LRFN5: variants seen among roughly 807,000 people sequenced by gnomAD.
LRFN5 encodes leucine-rich repeat and fibronectin type-III domain-containing protein 5.
LRFN5 carries 24 observed loss-of-function variants against 45.6 expected under a neutral mutation model. The ratio of observed to expected loss-of-function variants is 0.53; its 90% confidence interval spans 0.38 to 0.74. The LOEUF is 0.74. LRFN5 is among the 30% of genes least tolerant of loss of function. The pLI is 0.00. For missense variants in LRFN5, 776 were observed against 861.5 expected, an observed-to-expected ratio of 0.90 and a Z score of 1.24; for synonymous variants, 340 against 313.8, an observed-to-expected ratio of 1.08 and a Z score of -0.88.
At chr14:41,803,845 AG>A (rs891610169) in intron 2 of LRFN5, among the ~76,000 whole-genome samples, 25 of 152,018 alleles carry the variant, frequency 1.6e-4, no homozygotes, top group Non-Finnish European at 5.9e-5. Context: ...CCAGCTAAAC[AG>A]AAAGCCAGAG....
At chr14:41,876,312 G>A (rs1203131607) in intron 2 of LRFN5, among the ~76,000 whole-genome samples, 2 of 118,562 alleles carry the variant, frequency 1.7e-5, no homozygotes, top group Non-Finnish European at 3.3e-5. Flanking sequence ...ACGGAGTGTC[G>A]CTCTGTCGCC....
At chr14:41,816,656 C>G (rs111440614) in intron 2 of LRFN5, among the ~76,000 whole-genome samples, 5 of 151,904 alleles carry the variant, frequency 3.3e-5, no homozygotes, top group African/African-American at 1.2e-4. Flanking sequence ...TCTTATCTTT[C>G]CTCTTCTAGA....
At chr14:41,711,709 A>T (rs977255817) in intron 1 of LRFN5, among the ~76,000 whole-genome samples, 2 of 152,232 alleles carry the variant, frequency 1.3e-5, no homozygotes, top group African/African-American at 4.8e-5. Flanking sequence ...TCCGTTTCAC[A>T]GATAAACTGT....
intron 1 of LRFN5, among the ~76,000 whole-genome samples, chr14:41,665,343 GATTA>G (rs1223062611): frequency 6.6e-6 from 1 of 151,910 alleles, no homozygotes; most frequent in Non-Finnish European, 1.5e-5. Context: ...TTATATAAGG[GATTA>G]ACAAATGAGG....
In LRFN5 at chr14:41,887,641, A is replaced by G; in HGVS notation, c.1016A>G (p.Asn339Ser). 1 of 1,614,196 alleles carries G rather than the reference A, an allele frequency of 6.2e-7. No homozygotes were observed. Among genetic ancestry groups the G allele is most frequent in the Non-Finnish European group, 8.5e-7 (1 of 1,180,028 alleles). The change falls in exon 3 of 6, where the codon AAC becomes AGC. Residue 339 changes from asparagine to serine, a missense_variant. Coordinates refer to ENST00000298119, the MANE Select transcript of LRFN5 (RefSeq NM_152447.5). This position sits in a 1 kb window ranked among gnomAD's most constrained non-coding sequence, Gnocchi z 4.8. ...SNATRSLVYD[N>S]GTLDILITTV... ...GCAACAAGATCTCTGGTGTATGATA[A>G]CGGAACACTTGACATTCTTATCACA...
intron 1 of LRFN5, among the ~76,000 whole-genome samples, chr14:41,651,916 T>A (rs1880142073): frequency 6.6e-6 from 1 of 152,164 alleles, no homozygotes; most frequent in Non-Finnish European, 1.5e-5. Flanking sequence ...TTCTTCTCCC[T>A]TTGTCTTAAT....
At chr14:41,871,488 C>A (rs1048227315) in intron 2 of LRFN5, among the ~76,000 whole-genome samples, 2 of 151,950 alleles carry the variant, frequency 1.3e-5, no homozygotes, top group Non-Finnish European at 2.9e-5. Flanking sequence ...ATTTGGGAGT[C>A]TGAGTCAGGA....
intron 2 of LRFN5, among the ~76,000 whole-genome samples, chr14:41,846,517 T>C (rs1889074159): frequency 6.6e-6 from 1 of 152,160 alleles, no homozygotes; most frequent in African/African-American, 2.4e-5. Context: ...TCCATATACA[T>C]ACCATTCAAA....
At chr14:41,740,369 A>G (rs61992386) in intron 1 of LRFN5, among the ~76,000 whole-genome samples, 25,175 of 151,930 alleles carry the variant, frequency 0.17, 2,174 homozygotes, top group Admixed American at 0.19. Context: ...ATTCCACAAG[A>G]GAAAGGATGG....
intron 1 of LRFN5, among the ~76,000 whole-genome samples, chr14:41,739,493 A>T (rs916079087): frequency 1.5e-4 from 22 of 147,816 alleles, no homozygotes; most frequent in Non-Finnish European, 6.1e-5. Context: ...AGGATAAATT[A>T]AAAGAAAAAA....
intron 2 of LRFN5, among the ~76,000 whole-genome samples, chr14:41,809,305 T>C (rs1379489458): frequency 6.6e-6 from 1 of 152,102 alleles, no homozygotes; most frequent in East Asian, 1.9e-4. Flanking sequence ...CAATTTGTTT[T>C]AAAAAGCAGT....
chr14:41,679,736 G>A lies in LRFN5; in HGVS notation c.-197+71174G>A, dbSNP rs190280454. On this transcript the variant is annotated intron_variant, in intron 1 of 5. Coordinates refer to ENST00000298119, the MANE Select transcript of LRFN5 (RefSeq NM_152447.5). Reference sequence around the variant, plus strand: ...TTCTGTTTGAGAAAAAGGAAAGGACGAGTAAAGGGGAGTTTTTCTTACTGC... The same window carrying A: ...TTCTGTTTGAGAAAAAGGAAAGGACAAGTAAAGGGGAGTTTTTCTTACTGC... Among the ~76,000 whole-genome samples the A allele has an allele frequency of 3.3e-5, 5 of 152,040 alleles. No homozygotes were observed. The East Asian group carries it at 7.8e-4, about 24-fold the overall frequency.
intron 2 of LRFN5, among the ~76,000 whole-genome samples, chr14:41,855,896 T>G (rs933441609): frequency 1.3e-5 from 2 of 152,204 alleles, no homozygotes; most frequent in African/African-American, 2.4e-5. Context: ...TACGTTAGTA[T>G]ACATATATTA....
chr14:41,607,755 A>G lies in LRFN5; in HGVS notation c.-1004A>G, dbSNP rs540487285. The G allele has an allele frequency of 2.0e-5, 3 of 152,214 alleles. No individual in the cohort carries two copies. The highest frequency in any genetic ancestry group is 3.9e-4 in the East Asian group (2 of 5,152). 9.4% of individuals were successfully genotyped at this position (152,214 alleles called of 1,614,324 possible). On this transcript the variant is annotated 5_prime_UTR_variant, in exon 1 of 6. Transcript: ENST00000298119. Reference sequence around the variant, plus strand: ...TTACCCAGAAGCTTGGAAAGCGCCAATATTAACCTGCTTCCAGGTACATCA... The same window carrying G: ...TTACCCAGAAGCTTGGAAAGCGCCAGTATTAACCTGCTTCCAGGTACATCA...
intron 1 of LRFN5, among the ~76,000 whole-genome samples, chr14:41,649,691 C>A (rs561652550): frequency 6.6e-6 from 1 of 152,296 alleles, no homozygotes; most frequent in Non-Finnish European, 1.5e-5. Flanking sequence ...CACCTGATCA[C>A]CCTGGTCTGT....
chr14:41,828,424 C>T (rs1049124735), intron 2 of LRFN5, among the ~76,000 whole-genome samples: 7 of 151,946 alleles, frequency 4.6e-5, no homozygotes, highest in Non-Finnish European at 8.8e-5. Flanking sequence ...AACTTCTACC[C>T]TAAAGCAAAC....
intron 2 of LRFN5, among the ~76,000 whole-genome samples, chr14:41,838,044 T>TA (rs1888723657): frequency 6.6e-6 from 1 of 152,234 alleles, no homozygotes; most frequent in Non-Finnish European, 1.5e-5. Context: ...GTGTGGTTTT[T>TA]ACATCGTTAA....
At chr14:41,822,097 T>A (rs1056789430) in intron 2 of LRFN5, among the ~76,000 whole-genome samples, 7 of 151,990 alleles carry the variant, frequency 4.6e-5, no homozygotes, top group African/African-American at 1.7e-4. Flanking sequence ...TTTGTTTATC[T>A]TTTTAAGTAA....
intron 2 of LRFN5, among the ~76,000 whole-genome samples, chr14:41,818,373 T>C (rs1356263742): frequency 6.6e-6 from 1 of 152,088 alleles, no homozygotes; most frequent in African/African-American, 2.4e-5. Context: ...TTAATTACCT[T>C]GGCTTTTAAT....
Sources: allele counts gnomAD v4.1 joint callset (sites outside exome capture counted in the v4.1 genomes callset), GRCh38; gene constraint gnomAD v4.1.1; non-coding constraint Gnocchi (gnomAD v3.1); transcripts MANE v1.5; gene names NCBI Gene and HGNC (gene_info 2026-07-23, HGNC 2026-07-21).